CNGA4: variants seen among roughly 807,000 people sequenced by gnomAD.
CNGA4 encodes cyclic nucleotide-gated channel alpha-4.
CNGA4 carries 32 observed loss-of-function variants against 45.6 expected under a neutral mutation model. The observed-to-expected ratio is 0.70, with a 90% CI of 0.53 to 0.94. CNGA4 has a LOEUF of 0.94. CNGA4 is among the 40% of genes least tolerant of loss of function. The pLI is 0.00. For synonymous variants in CNGA4, 293 were observed against 304.6 expected, an observed-to-expected ratio of 0.96 and a Z score of 0.40; for missense variants, 726 against 755.1, an observed-to-expected ratio of 0.96 and a Z score of 0.45.
In CNGA4 at chr11:6,244,226, G is replaced by A; in HGVS notation, c.1545G>A (p.Leu515=). The A allele has an allele frequency of 6.2e-7, 1 of 1,614,224 alleles. No individual in the cohort carries two copies. ...DDLQTKFARL[L]AELESSALKI... is the part of the protein sequence containing the mutation. ...TACAGACCAAGTTTGCTCGCCTCCT[G>A]GCTGAGCTGGAGTCCAGCGCACTTA... The change falls in exon 6 of 6, where the codon CTG becomes CTA. Residue 515 remains leucine (L), a synonymous_variant. Coordinates refer to ENST00000379936, the MANE Select transcript of CNGA4 (RefSeq NM_001037329.4). The surrounding 1 kb of genome is among the most constrained non-coding windows in gnomAD (Gnocchi z 4.5).
Position 6,240,677 on chromosome 11 carries a change from G to T in CNGA4, c.883G>T (p.Val295Phe). ...LVKKYMKLQHVNRKLERRVID... is the reference protein window; with the variant it reads ...LVKKYMKLQHFNRKLERRVID... Reference sequence around the variant, plus strand: ...GAAGAAGTACATGAAGCTGCAGCACGTCAACCGCAAGCTGGAGCGGCGAGT... The same window carrying T: ...GAAGAAGTACATGAAGCTGCAGCACTTCAACCGCAAGCTGGAGCGGCGAGT... Residue 295 changes from valine to phenylalanine, a missense_variant, in exon 4 of 6, where the codon GTC becomes TTC. Val to Phe is a conservative substitution (Grantham distance 50, BLOSUM62 -1). Transcript: ENST00000379936. The surrounding 1 kb of genome is among the most constrained non-coding windows in gnomAD (Gnocchi z 4.9). The T allele has an allele frequency of 2.5e-6, 4 of 1,613,680 alleles. No individual in the cohort carries two copies. The highest frequency in any genetic ancestry group is 3.4e-6 in the Non-Finnish European group (4 of 1,179,664).
At chr11:6,235,301 C>T (rs1018765010), upstream of CNGA4, among the ~76,000 whole-genome samples, 2 of 152,198 alleles carry the variant, frequency 1.3e-5, no homozygotes, top group Admixed American at 6.5e-5. Context: ...GCTCCCCCAA[C>T]ACCGCTGTGC....
chr11:6,236,639 G>T (rs969149640), upstream of CNGA4, among the ~76,000 whole-genome samples: 3 of 152,200 alleles, frequency 2.0e-5, no homozygotes, highest in Non-Finnish European at 4.4e-5. Flanking sequence ...GCAGAGTGGG[G>T]CTCCTGAGGC....
At chr11:6,235,942 AAAAAAAAAAG>A (rs1564875212), upstream of CNGA4, among the ~76,000 whole-genome samples, 1 of 151,936 alleles carries the variant, frequency 6.6e-6, no homozygotes, top group African/African-American at 2.4e-5. Flanking sequence ...CCGTCTCAAA[AAAAAAAAAAG>A]AAAAGAAAAA....
intron 5 of CNGA4, 64 bp from the exon 6 acceptor site, chr11:6,243,885 G>T: frequency 6.8e-7 from 1 of 1,461,116 alleles, no homozygotes; most frequent in Non-Finnish European, 9.4e-7. Flanking sequence ...CCTGGTTCAG[G>T]AGTGAAATGC....
chr11:6,239,911 C>T, intron 3 of CNGA4, 121 bp downstream of exon 3: 1 of 1,332,808 alleles, frequency 7.5e-7, no homozygotes, highest in Admixed American at 2.1e-5. Flanking sequence ...CTATGCCTGA[C>T]AGCATCCCAG....
chr11:6,235,604 A>G, upstream of CNGA4: 1 of 917,782 alleles, frequency 1.1e-6, no homozygotes, highest in Non-Finnish European at 1.3e-6. Flanking sequence ...AAGATAAACT[A>G]AAATAGAAAA....
intron 3 of CNGA4, 126 bp from the exon 4 acceptor site, chr11:6,239,940 G>A (rs558059573): frequency 2.3e-5 from 32 of 1,396,974 alleles, no homozygotes; most frequent in Non-Finnish European, 2.7e-5. Context: ...CCGGAAAGCC[G>A]GGAGCAGAGT....
chr11:6,241,726 G>T lies in CNGA4; in HGVS notation c.1213G>T (p.Ala405Ser). ...GGCAGATGATGGTATCACACAGTAT[G>T]CTGTGCTCGGTGCAGGGCTCTACTT... ...VVADDGITQY[A>S]VLGAGLYFGE... Residue 405 changes from alanine to serine, a missense_variant, in exon 5 of 6, where the codon GCT (alanine) becomes TCT (serine). Transcript: ENST00000379936. 6.2e-7 allele frequency: 1 copy of T among 1,614,234 alleles called. No homozygotes were observed. The highest frequency in any genetic ancestry group is 1.3e-5 in the African/African-American group (1 of 75,064).
rs781228680 is a variant in CNGA4, at chr11:6,240,222, G to A, written c.428G>A (p.Arg143His). 3.7e-6 allele frequency: 6 copies of A among 1,614,104 alleles called. No homozygotes were observed. Among genetic ancestry groups the A allele is most frequent in the African/African-American group, 2.7e-5 (2 of 74,950 alleles). The change falls in exon 4 of 6, where the codon CGC (arginine) becomes CAC (histidine). Residue 143 changes from arginine to histidine, a missense_variant. Transcript: ENST00000379936. The surrounding 1 kb of genome is among the most constrained non-coding windows in gnomAD (Gnocchi z 4.9). ...GPHTPTLRLN[R>H]FLRAPRLFEA... ...CACACACCCACCCTGAGGCTGAACC[G>A]CTTTCTCCGCGCGCCCCGCCTCTTC...
intron 5 of CNGA4, among the ~76,000 whole-genome samples, chr11:6,242,482 T>C (rs1253211927): frequency 1.3e-5 from 2 of 151,994 alleles, no homozygotes; most frequent in African/African-American, 4.8e-5. Flanking sequence ...ATCCTGCAAA[T>C]GGGGTAAGCA....
At chr11:6,242,993 C>A (rs1391126776) in intron 5 of CNGA4, among the ~76,000 whole-genome samples, 1 of 152,186 alleles carries the variant, frequency 6.6e-6, no homozygotes, top group African/African-American at 2.4e-5. Flanking sequence ...GCTTATGAGA[C>A]CCAGTGTGAC....
rs772889780 is a variant in CNGA4, at chr11:6,243,981, A to G, written c.1300A>G (p.Ile434Val). The change falls in exon 6 of 6, where the codon ATC becomes GTC. Residue 434 changes from isoleucine (I) to valine (V), a missense_variant. Physicochemically the swap from Ile to Val is conservative, Grantham distance 29 (BLOSUM62 3). Coordinates refer to ENST00000379936, the MANE Select transcript of CNGA4 (RefSeq NM_001037329.4). ...GTCTGGGAACCGCCGCACAGCCAAC[A>G]TCAAGAGCCTAGGTTATTCAGACCT... is the stretch of plus-strand genomic sequence containing the variant. ...NMSGNRRTANIKSLGYSDLFC... is the reference protein window; with the variant it reads ...NMSGNRRTANVKSLGYSDLFC... 1.4e-5 allele frequency: 22 copies of G among 1,613,878 alleles called. No individual in the cohort carries two copies. The highest frequency in any genetic ancestry group is 1.9e-5 in the Non-Finnish European group (22 of 1,180,008).
At position 6,240,737 on chromosome 11, in the gene CNGA4, G is replaced by C. The variant is rs1564878014; in HGVS notation, c.917+26G>C. ...GTGAGAAGGCGGGGTTCCAGACCAGGACAGGGACCAGTGTAGGTGATGGAA... is the reference window on the plus strand; with the variant it reads ...GTGAGAAGGCGGGGTTCCAGACCAGCACAGGGACCAGTGTAGGTGATGGAA... On this transcript the variant is annotated intron_variant, in intron 4 of 5. Transcript: ENST00000379936. The surrounding 1 kb of genome is among the most constrained non-coding windows in gnomAD (Gnocchi z 4.9). 5.0e-6 allele frequency: 8 copies of C among 1,601,334 alleles called. No homozygotes were observed. The highest frequency in any genetic ancestry group is 6.8e-6 in the Non-Finnish European group (8 of 1,172,640).
chr11:6,244,008 T>A lies in CNGA4; in HGVS notation c.1327T>A (p.Phe443Ile). 1 of 1,614,114 alleles carries A rather than the reference T, an allele frequency of 6.2e-7. No individual in the cohort carries two copies. The highest frequency in any genetic ancestry group is 8.5e-7 in the Non-Finnish European group (1 of 1,180,022). The change falls in exon 6 of 6, where the codon TTC (phenylalanine) becomes ATC (isoleucine). Residue 443 changes from phenylalanine (F) to isoleucine (I), a missense_variant. Phe to Ile is a conservative substitution (Grantham distance 21). Transcript: ENST00000379936. This position sits in a 1 kb window ranked among gnomAD's most constrained non-coding sequence, Gnocchi z 4.5. ...NIKSLGYSDL[F>I]CLSKEDLREV... ...CAAGAGCCTAGGTTATTCAGACCTATTCTGCCTGAGCAAGGAGGACCTGCG... is the reference window on the plus strand; with the variant it reads ...CAAGAGCCTAGGTTATTCAGACCTAATCTGCCTGAGCAAGGAGGACCTGCG...
rs201720317 is a variant in CNGA4, at chr11:6,240,392, G to T, written c.598G>T (p.Ala200Ser). 1.1e-5 allele frequency: 17 copies of T among 1,614,218 alleles called. No homozygotes were observed. The East Asian group carries it at 3.1e-4, about 30-fold the overall frequency. Residue 200 changes from alanine (A) to serine (S), a missense_variant, in exon 4 of 6, where the codon GCA becomes TCA. Physicochemically the swap from Ala to Ser is moderately conservative, Grantham distance 99. Coordinates refer to ENST00000379936, the MANE Select transcript of CNGA4 (RefSeq NM_001037329.4). The surrounding 1 kb of genome is among the most constrained non-coding windows in gnomAD (Gnocchi z 4.9). ...CCGGTACCTGGGCTTCGGGCGTGAC[G>T]CATGGGTGTACCCGGACCCCGCGCA... is the stretch of plus-strand genomic sequence containing the variant. ...LSRYLGFGRDAWVYPDPAQPG... is the reference protein window; with the variant it reads ...LSRYLGFGRDSWVYPDPAQPG...
intron 5 of CNGA4, among the ~76,000 whole-genome samples, chr11:6,243,040 C>T (rs1476556004): frequency 3.3e-5 from 5 of 152,204 alleles, no homozygotes; most frequent in Non-Finnish European, 5.9e-5. Context: ...CCACACTCTG[C>T]GCTTCTCGCA....
In CNGA4 at chr11:6,244,268, T is replaced by C. The variant is rs777448935; in HGVS notation, c.1587T>C (p.Ile529=). The C allele has an allele frequency of 1.2e-6, 2 of 1,614,028 alleles. No individual in the cohort carries two copies. Among genetic ancestry groups the C allele is most frequent in the African/African-American group, 2.7e-5 (2 of 74,914 alleles). Residue 529 remains isoleucine (I), a synonymous_variant, in exon 6 of 6, where the codon ATT becomes ATC. Transcript: ENST00000379936. This position sits in a 1 kb window ranked among gnomAD's most constrained non-coding sequence, Gnocchi z 4.5. ...GCGCACTTAAGATTGCTTACCGCAT[T>C]GAACGGCTGGAGTGGCAGACTCGAG... ...ESSALKIAYR[I]ERLEWQTREW...
At chr11:6,243,385 G>A (rs557687609) in intron 5 of CNGA4, among the ~76,000 whole-genome samples, 6 of 152,246 alleles carry the variant, frequency 3.9e-5, no homozygotes, top group South Asian at 2.1e-4. Flanking sequence ...CATGTCACAC[G>A]GTGAAAGCAG....
Sources: allele counts gnomAD v4.1 joint callset (sites outside exome capture counted in the v4.1 genomes callset), GRCh38; gene constraint gnomAD v4.1.1; non-coding constraint Gnocchi (gnomAD v3.1); transcripts MANE v1.5; gene names NCBI Gene and HGNC (gene_info 2026-07-23, HGNC 2026-07-21).